The following RETSAT variants were observed in gnomAD, a reference collection of about 807,000 sequenced individuals.
RETSAT encodes retinol saturase, also known as all-trans-retinol 13,14-reductase.
In RETSAT, 35 loss-of-function variants were observed where a neutral mutation model predicts 61.6. The observed-to-expected ratio is 0.57, with a 90% CI of 0.43 to 0.75. RETSAT has a LOEUF of 0.75. Among genes scored for constraint, RETSAT ranks in the 30% least tolerant of loss-of-function variants. The probability of loss-of-function intolerance (pLI) is 0.00; values close to 1 mark genes in which losing one functional copy is unlikely to be tolerated. For missense variants in RETSAT, 670 were observed against 759.5 expected (o/e 0.88, Z 1.38); for synonymous variants, 277 against 310.4 (o/e 0.89, Z 1.13).
chr2:85,351,082 G>A (rs1683291242), intron 2 of RETSAT, 61 bp from the exon 3 acceptor site: 5 of 1,592,088 alleles, frequency 3.1e-6, no homozygotes, highest in South Asian at 1.1e-5. Context: ...CTGGAAAGGT[G>A]GCTGAGGAAG....
At chr2:85,349,051 A>ATTTTTGGGTTTTTT (rs1322820433) in intron 5 of RETSAT, among the ~76,000 whole-genome samples, 1 of 145,338 alleles carries the variant, frequency 6.9e-6, no homozygotes, top group African/African-American at 2.6e-5. Flanking sequence ...GCCCGGCCAT[A>ATTTTTGGGTTTTTT]TTTTTGTTTT....
In RETSAT at chr2:85,346,163, T is replaced by C. The variant is rs957268454; in HGVS notation, c.998-69A>G. ...TGAAGAGAAAGGCCCACGGCCCCCATGGATCTCTCTCTGCCTGTGCCCATT... is the reference window on the plus strand; with the variant it reads ...TGAAGAGAAAGGCCCACGGCCCCCACGGATCTCTCTCTGCCTGTGCCCATT... On this transcript the variant is annotated intron_variant, in intron 5 of 10. Coordinates refer to ENST00000295802, the MANE Select transcript of RETSAT (RefSeq NM_017750.4). 2.6e-6 allele frequency: 4 copies of C among 1,558,258 alleles called. No individual in the cohort carries two copies. In the South Asian group the frequency reaches 3.7e-5, roughly 14 times the overall value.
At chr2:85,351,511 C>T (rs1683299511) in intron 2 of RETSAT, 169 bp downstream of exon 2, 1 of 666,290 alleles carries the variant, frequency 1.5e-6, no homozygotes, top group Admixed American at 3.2e-5. Context: ...TGCGCTCCAG[C>T]CTGGGTGATG....
intron 3 of RETSAT, 50 bp from the exon 4 acceptor site, chr2:85,350,291 C>A: frequency 7.2e-7 from 1 of 1,394,424 alleles, no homozygotes; most frequent in Non-Finnish European, 1.0e-6. Flanking sequence ...ACCGCTTTGA[C>A]AGAACTGCTA....
chr2:85,350,019 G>A (rs1247982884), intron 4 of RETSAT, 21 bp downstream of exon 4: 1 of 1,609,270 alleles, frequency 6.2e-7, no homozygotes. Flanking sequence ...AAGCTGCCCA[G>A]AGCCCAGGCC....
Position 85,344,159 on chromosome 2 carries a change from G to A in RETSAT, c.1373C>T (p.Ser458Phe). The A allele has an allele frequency of 6.2e-7, 1 of 1,614,090 alleles. No homozygotes were observed. The highest frequency in any genetic ancestry group is 8.5e-7 in the Non-Finnish European group (1 of 1,180,012). Residue 458 changes from serine to phenylalanine, a missense_variant, in exon 9 of 11, where the codon TCC becomes TTC. Ser to Phe is a radical substitution (Grantham distance 155). Coordinates refer to ENST00000295802, the MANE Select transcript of RETSAT (RefSeq NM_017750.4). ...AGTGGGTATGAGCATGATCATGGTG[G>A]ACCGGCCTGGGGATCAGAGCTGATA... ...PTWEDRFPGR[S>F]TMIMLIPTAY...
intron 1 of RETSAT, among the ~76,000 whole-genome samples, chr2:85,353,409 G>A (rs1683350420): frequency 6.6e-6 from 1 of 152,220 alleles, no homozygotes; most frequent in Non-Finnish European, 1.5e-5. Flanking sequence ...ACTCTAGCAT[G>A]GACAATAGAG....
chr2:85,352,314 G>A (rs1017543278), intron 1 of RETSAT, among the ~76,000 whole-genome samples: 3 of 152,092 alleles, frequency 2.0e-5, no homozygotes, highest in African/African-American at 4.8e-5. Flanking sequence ...CGCAATCTCC[G>A]CTTACTGCAA....
Position 85,344,282 on chromosome 2 carries a change from A to G in RETSAT, c.1323T>C (p.Ala441=). 6.2e-7 allele frequency: 1 copy of G among 1,614,098 alleles called. No individual in the cohort carries two copies. Among genetic ancestry groups the G allele is most frequent in the Non-Finnish European group, 8.5e-7 (1 of 1,180,020 alleles). ...AGGTCGGATCTTTGGCTGATGGGAA[A>G]GCGAAGAAGAGAAGAGGGATGTGTT... ...AAEHIPLLFF[A]FPSAKDPTWE... Residue 441 remains alanine (A), a synonymous_variant, in exon 8 of 11, where the codon GCT becomes GCC. Transcript: ENST00000295802.
At position 85,351,820 on chromosome 2, in the gene RETSAT, A is replaced by G; in HGVS notation, c.215T>C (p.Val72Ala). The change falls in exon 2 of 11, where the codon GTA becomes GCA. Residue 72 changes from valine to alanine, a missense_variant. Transcript: ENST00000295802. ...CAGGCCCCCAAAGCCACTGCCAATT[A>G]CCACCACATCCAGCTTCTCCGGCAC... ...NQVPEKLDVV[V>A]IGSGFGGLAA... 1 of 1,614,174 alleles carries G rather than the reference A, an allele frequency of 6.2e-7. No homozygotes were observed. The highest frequency in any genetic ancestry group is 2.2e-5 in the East Asian group (1 of 44,888).
chr2:85,342,840 C>T lies in RETSAT; in HGVS notation c.*402G>A, dbSNP rs113820952. 3.8e-3 allele frequency: 684 copies of T among 182,182 alleles called. 7 individuals are homozygous for T. Among genetic ancestry groups the T allele is most frequent in the African/African-American group, 0.016 (662 of 41,854 alleles). 11.3% of individuals were successfully genotyped at this position (182,182 alleles called of 1,614,324 possible). ...CAGCGTAGCACTAAATGAATGAGAG[C>T]AGAAGCCTCAGGACAGAACTGAACC... On this transcript the variant is annotated 3_prime_UTR_variant, in exon 11 of 11. Coordinates refer to ENST00000295802, the MANE Select transcript of RETSAT (RefSeq NM_017750.4).
intron 2 of RETSAT, 195 bp downstream of exon 2, chr2:85,351,485 G>C: frequency 1.8e-6 from 1 of 566,722 alleles, no homozygotes; most frequent in East Asian, 3.0e-5. Flanking sequence ...GTTACAGTAA[G>C]CTGGGATCAC....
chr2:85,350,332 A>G, intron 3 of RETSAT, 91 bp from the exon 4 acceptor site: 1 of 926,680 alleles, frequency 1.1e-6, no homozygotes, highest in Non-Finnish European at 1.7e-6. Context: ...CCAAGAATCC[A>G]GCAACACTTA....
rs1303369991 is a variant in RETSAT, at chr2:85,346,026, G to A, written c.1066C>T (p.Leu356=). The change falls in exon 6 of 11, where the codon CTG becomes TTG. Residue 356 remains leucine (L), a synonymous_variant. Coordinates refer to ENST00000295802, the MANE Select transcript of RETSAT (RefSeq NM_017750.4). Reference sequence around the variant, plus strand: ...AGTAGGTGTTCATAGGTGTTGAACAGTCCTGCGTTGGAGACCACGATGGGG... The same window carrying A: ...AGTAGGTGTTCATAGGTGTTGAACAATCCTGCGTTGGAGACCACGATGGGG... ...YCPIVVSNAG[L]FNTYEHLLPG... The A allele has an allele frequency of 6.2e-7, 1 of 1,614,228 alleles. No homozygotes were observed. The highest frequency in any genetic ancestry group is 1.7e-5 in the Admixed American group (1 of 60,022).
chr2:85,343,927 T>A (rs977977099), intron 9 of RETSAT, 72 bp downstream of exon 9: 2 of 1,591,532 alleles, frequency 1.3e-6, no homozygotes, highest in African/African-American at 2.7e-5. Flanking sequence ...GGGGCCTGAT[T>A]CCCCTGTCTC....
Position 85,342,047 on chromosome 2 carries a change from CAAT to C in RETSAT, c.*1192_*1194del. The C allele has an allele frequency of 2.3e-6, 1 of 426,822 alleles. No individual in the cohort carries two copies. The highest frequency in any genetic ancestry group is 3.6e-5 in the East Asian group (1 of 27,514). 26.4% of individuals were successfully genotyped at this position (426,822 alleles called of 1,614,324 possible). The stretch of plus-strand genomic sequence containing the variant: ...TACTGAGCTTCTGCAAATGCCATCA[CAAT>C]AATAGTTTTGTTTTCTTGAACAAAA... On this transcript the variant is annotated 3_prime_UTR_variant, in exon 11 of 11. Coordinates refer to ENST00000295802, the MANE Select transcript of RETSAT (RefSeq NM_017750.4).
At chr2:85,350,296 C>T in intron 3 of RETSAT, 55 bp from the exon 4 acceptor site, 1 of 1,347,336 alleles carries the variant, frequency 7.4e-7, no homozygotes, top group Non-Finnish European at 1.1e-6. Context: ...TTTGACAGAA[C>T]TGCTATCCCC....
At chr2:85,347,478 C>T (rs1202897615) in intron 5 of RETSAT, among the ~76,000 whole-genome samples, 4 of 152,130 alleles carry the variant, frequency 2.6e-5, no homozygotes, top group East Asian at 3.9e-4. Flanking sequence ...CCACCCACCT[C>T]GGCCTCCCAA....
In RETSAT at chr2:85,354,402, C is replaced by A; in HGVS notation, c.106G>T (p.Asp36Tyr). 6.2e-7 allele frequency: 1 copy of A among 1,614,232 alleles called. No individual in the cohort carries two copies. Among genetic ancestry groups the A allele is most frequent in the Non-Finnish European group, 8.5e-7 (1 of 1,180,048 alleles). Residue 36 changes from aspartate to tyrosine, a missense_variant, in exon 1 of 11, where the codon GAT becomes TAT. Asp to Tyr is a radical substitution (Grantham distance 160). Coordinates refer to ENST00000295802, the MANE Select transcript of RETSAT (RefSeq NM_017750.4). ...SGSSPNPFSE[D>Y]VKRPPAPLVT... Reference sequence around the variant, plus strand: ...AGGGGCGCTGGGGGCCGTTTGACATCTTCGGAGAAAGGATTCGGGGAGCTG... The same window carrying A: ...AGGGGCGCTGGGGGCCGTTTGACATATTCGGAGAAAGGATTCGGGGAGCTG...
Sources: allele counts gnomAD v4.1 joint callset (sites outside exome capture counted in the v4.1 genomes callset), GRCh38; gene constraint gnomAD v4.1.1; transcripts MANE v1.5; gene names NCBI Gene and HGNC (gene_info 2026-07-23, HGNC 2026-07-21).